Variants in CDC45 observed in about 807,000 individuals in gnomAD.
CDC45 encodes cell division control protein 45 homolog.
A neutral mutation model predicts 77.8 loss-of-function variants in CDC45; 54 were observed. The ratio of observed to expected loss-of-function variants is 0.69; its 90% CI spans 0.56 to 0.87. The LOEUF is 0.87. CDC45 is among the 40% of genes least tolerant of loss of function. The pLI is 0.00. For missense variants in CDC45, 649 were observed against 721.6 expected (o/e 0.90, Z 1.15); for synonymous variants, 260 against 272.1 (o/e 0.96, Z 0.44).
chr22:19,488,037 G>A (rs532126018), intron 5 of CDC45, among the ~76,000 whole-genome samples: 3 of 151,934 alleles, frequency 2.0e-5, no homozygotes, highest in Non-Finnish European at 2.9e-5. Context: ...ATGAGAGTCC[G>A]CTATAAAAAT....
chr22:19,480,058 G>A (rs751481362), intron 1 of CDC45, 39 bp downstream of exon 1: 3 of 1,613,216 alleles, frequency 1.9e-6, no homozygotes, highest in Non-Finnish European at 2.5e-6. Flanking sequence ...GGCCTTGCCG[G>A]TGGGGAAGGG....
Position 19,498,826 on chromosome 22 carries a change from T to C in CDC45, c.654-275T>C, listed in dbSNP as rs541107671. Reference sequence around the variant, plus strand: ...TGGGTGGGAGTGCTGGCTCCTATTATAGCTGCCATGGCTCTCCTGGGAGGT... The same window carrying C: ...TGGGTGGGAGTGCTGGCTCCTATTACAGCTGCCATGGCTCTCCTGGGAGGT... On this transcript the variant is annotated intron_variant, in intron 8 of 18. Coordinates refer to ENST00000263201, the MANE Select transcript of CDC45 (RefSeq NM_003504.5). 1.2e-4 allele frequency among the ~76,000 whole-genome samples: 19 copies of C among 152,278 alleles called. No individual in the cohort carries two copies. In the East Asian group the frequency reaches 3.7e-3, roughly 29 times the overall value.
rs2090002599 is a variant in CDC45, at chr22:19,482,706, T to C, written c.221T>C (p.Leu74Pro). The C allele has an allele frequency of 6.2e-7, 1 of 1,613,118 alleles. No individual in the cohort carries two copies. Among genetic ancestry groups the C allele is most frequent in the South Asian group, 1.1e-5 (1 of 91,060 alleles). ...EHKEQFHYFI[L>P]INCGANVDLL... ...TTTTTTCAGTTTCATTATTTTATTC[T>C]CATAAACTGTGGAGCTAATGTAGAC... Residue 74 changes from leucine (L) to proline (P), a missense_variant, in exon 4 of 19, where the codon CTC becomes CCC. Transcript: ENST00000263201.
chr22:19,481,664 C>T lies in CDC45; in HGVS notation c.204+619C>T, dbSNP rs13447194. Among the ~76,000 whole-genome samples the T allele has an allele frequency of 3.4e-3, 522 of 152,028 alleles. 20 individuals are homozygous for T. In the East Asian group the frequency reaches 0.069, roughly 20 times the overall value. On this transcript the variant is annotated intron_variant, in intron 3 of 18. Coordinates refer to ENST00000263201, the MANE Select transcript of CDC45 (RefSeq NM_003504.5). ...CTGGGATTACAGGTATGAGCCACCA[C>T]GCCCAGCCTTTATTTATTTATTTTT...
At chr22:19,491,454 A>G (rs1420905677) in intron 5 of CDC45, among the ~76,000 whole-genome samples, 1 of 151,664 alleles carries the variant, frequency 6.6e-6, no homozygotes, top group Admixed American at 6.6e-5. Context: ...TTTATTCCTA[A>G]AAGGTACTTT....
At chr22:19,512,573 T>A (rs971158885) in intron 13 of CDC45, among the ~76,000 whole-genome samples, 1 of 152,178 alleles carries the variant, frequency 6.6e-6, no homozygotes, top group African/African-American at 2.4e-5. Flanking sequence ...GCTGCCATCA[T>A]CCCAGCATTG....
intron 17 of CDC45, 146 bp from the exon 18 acceptor site, chr22:19,518,698 C>A: frequency 4.4e-6 from 3 of 686,630 alleles, no homozygotes; most frequent in South Asian, 1.7e-5. Flanking sequence ...GAGACAGACA[C>A]AACCACTGAG....
chr22:19,504,501 G>A (rs1933046525), intron 9 of CDC45, among the ~76,000 whole-genome samples: 1 of 152,156 alleles, frequency 6.6e-6, no homozygotes. Flanking sequence ...GTTTCTTCAT[G>A]TTGGTCAGGC....
chr22:19,516,549 T>TGCTGCCCCTGGTGATG lies in CDC45; in HGVS notation c.1472_1487dup (p.Leu497GlyfsTer36). The TGCTGCCCCTGGTGATG allele has an allele frequency of 3.7e-6, 6 of 1,613,950 alleles. No individual in the cohort carries two copies. Among genetic ancestry groups the TGCTGCCCCTGGTGATG allele is most frequent in the Non-Finnish European group, 5.1e-6 (6 of 1,179,938 alleles). Reference sequence around the variant, plus strand: ...TAGACAAAGAACCGGCGCTGCAAACTGCTGCCCCTGGTGATGGCTGCCCCC... The same window carrying TGCTGCCCCTGGTGATG: ...TAGACAAAGAACCGGCGCTGCAAACTGCTGCCCCTGGTGATGGCTGCCCCTGGTGATGGCTGCCCCC... On this transcript the variant is annotated frameshift_variant, in exon 16 of 19. Transcript: ENST00000263201. LOFTEE classifies it high-confidence loss of function.
intron 5 of CDC45, among the ~76,000 whole-genome samples, chr22:19,487,369 A>T (rs1222868464): frequency 1.3e-5 from 2 of 151,998 alleles, no homozygotes; most frequent in East Asian, 1.9e-4. Flanking sequence ...AGAAAAATAA[A>T]ATAAAAATTA....
At position 19,482,734 on chromosome 22, in the gene CDC45, A is replaced by G. The variant is rs2090003263; in HGVS notation, c.249A>G (p.Leu83=). 1.2e-6 allele frequency: 2 copies of G among 1,612,400 alleles called. No individual in the cohort carries two copies. Among genetic ancestry groups the G allele is most frequent in the African/African-American group, 1.3e-5 (1 of 74,888 alleles). The change falls in exon 4 of 19, where the codon CTA becomes CTG. Residue 83 remains leucine (L), a synonymous_variant. Coordinates refer to ENST00000263201, the MANE Select transcript of CDC45 (RefSeq NM_003504.5). Reference sequence around the variant, plus strand: ...TAAACTGTGGAGCTAATGTAGACCTATTGGATATTCTTCAACCTGATGAAG... The same window carrying G: ...TAAACTGTGGAGCTAATGTAGACCTGTTGGATATTCTTCAACCTGATGAAG... ...ILINCGANVD[L]LDILQPDEDT...
intron 9 of CDC45, among the ~76,000 whole-genome samples, chr22:19,504,795 A>G (rs1933067583): frequency 6.6e-6 from 1 of 152,180 alleles, no homozygotes; most frequent in Non-Finnish European, 1.5e-5. Flanking sequence ...TCTCAAAGGG[A>G]AAACAGCATT....
chr22:19,486,899 A>G (rs2090076609), intron 5 of CDC45, among the ~76,000 whole-genome samples: 1 of 152,096 alleles, frequency 6.6e-6, no homozygotes, highest in Non-Finnish European at 1.5e-5. Context: ...GATGGTCTCG[A>G]TCTCCTGACC....
intron 17 of CDC45, among the ~76,000 whole-genome samples, chr22:19,517,187 C>A (rs918113981): frequency 6.6e-6 from 1 of 152,236 alleles, no homozygotes; most frequent in Non-Finnish European, 1.5e-5. Flanking sequence ...GGGGACTGGC[C>A]ACCAGGGCCC....
intron 10 of CDC45, 94 bp downstream of exon 10, chr22:19,505,575 C>G (rs1284741218): frequency 7.1e-7 from 1 of 1,412,084 alleles, no homozygotes; most frequent in Non-Finnish European, 9.9e-7. Flanking sequence ...TGGCCACATC[C>G]CCAGGAGGGA....
chr22:19,499,075 G>A lies in CDC45; in HGVS notation c.654-26G>A, dbSNP rs150977011. On this transcript the variant is annotated intron_variant, in intron 8 of 18. Transcript: ENST00000263201. ...ATTGAGCCCAGGTGGGCTATAGGCC[G>A]GCTCCACTGCCTTCTCTTCTTCCAG... The A allele has an allele frequency of 8.0e-4, 1,289 of 1,613,540 alleles. 8 individuals are homozygous for A. In the East Asian group the frequency reaches 0.016, roughly 21 times the overall value.
intron 8 of CDC45, among the ~76,000 whole-genome samples, chr22:19,498,533 A>T (rs2090284689): frequency 6.6e-6 from 1 of 152,226 alleles, no homozygotes; most frequent in African/African-American, 2.4e-5. Context: ...CAGGTAAAAG[A>T]TGAGCCTGAA....
intron 17 of CDC45, among the ~76,000 whole-genome samples, chr22:19,518,115 T>C (rs1602000823): frequency 2.0e-5 from 3 of 152,324 alleles, no homozygotes; most frequent in Middle Eastern, 6.8e-3. Context: ...GTGCCTGTGA[T>C]GTGGGAGAGG....
intron 8 of CDC45, among the ~76,000 whole-genome samples, chr22:19,497,663 T>G (rs1398127494): frequency 6.6e-6 from 1 of 152,150 alleles, no homozygotes; most frequent in African/African-American, 2.4e-5. Context: ...TGTCGGAGAA[T>G]GCAGAGGAAG....
Sources: allele counts gnomAD v4.1 joint callset (sites outside exome capture counted in the v4.1 genomes callset), GRCh38; gene constraint gnomAD v4.1.1; transcripts MANE v1.5; gene names NCBI Gene and HGNC (gene_info 2026-07-23, HGNC 2026-07-21).